NGEF: variants seen among roughly 807,000 people sequenced by gnomAD.
NGEF encodes the protein neuronal guanine nucleotide exchange factor, also known as ephexin-1.
NGEF carries 31 observed loss-of-function variants against 80.9 expected under a neutral mutation model. The observed-to-expected ratio is 0.38, with a 90% CI of 0.29 to 0.52. The LOEUF (loss-of-function observed/expected upper bound fraction) is 0.52, where lower values mean the gene tolerates loss of function less well. NGEF is among the 20% of genes least tolerant of loss of function. The pLI is 0.84. For missense variants in NGEF, 709 were observed against 926.2 expected (o/e 0.77, Z 3.04); for synonymous variants, 371 against 370.2 (o/e 1.00, Z -0.03).
intron 5 of NGEF, among the ~76,000 whole-genome samples, chr2:232,910,988 T>C (rs1241408184): frequency 1.3e-5 from 2 of 152,218 alleles, no homozygotes; most frequent in East Asian, 3.8e-4. Context: ...GAGCAGAAGT[T>C]TTAAACTCTG....
chr2:232,964,840 A>G (rs1194638494), intron 3 of NGEF, among the ~76,000 whole-genome samples: 1 of 152,222 alleles, frequency 6.6e-6, no homozygotes, highest in East Asian at 1.9e-4. Context: ...AACCAATCTG[A>G]TGGTGATAGA....
intron 3 of NGEF, among the ~76,000 whole-genome samples, chr2:232,969,453 C>CCTTT (rs1694137886): frequency 1.2e-5 from 1 of 80,470 alleles, no homozygotes; most frequent in Non-Finnish European, 2.1e-5. Flanking sequence ...CCCTCCCCTT[C>CCTTT]CTTCCTTCCT....
chr2:232,937,119 A>G (rs1411928196), intron 3 of NGEF, among the ~76,000 whole-genome samples: 1 of 152,082 alleles, frequency 6.6e-6, no homozygotes, highest in Non-Finnish European at 1.5e-5. Context: ...ACAGGTGCGC[A>G]CCACCATGCC....
At chr2:232,889,236 T>C (rs1017387082) in intron 8 of NGEF, among the ~76,000 whole-genome samples, 5 of 152,256 alleles carry the variant, frequency 3.3e-5, no homozygotes, top group African/African-American at 1.2e-4. Flanking sequence ...CCATCTTTTC[T>C]CACAGGCATA....
At position 232,905,797 on chromosome 2, in the gene NGEF, C is replaced by G. The variant is rs962715456; in HGVS notation, c.829-10881G>C. 1.1e-4 allele frequency: 38 copies of G among 355,538 alleles called. 1 individual carries two copies. The highest frequency in any genetic ancestry group is 3.9e-4 in the Admixed American group (12 of 31,052). 22.0% of individuals were successfully genotyped at this position (355,538 alleles called of 1,614,324 possible). ...GGAGACCCTCCGCCTGGCAGCCGCCCCGTCTGAGAAGTGAGGAGCCCCTCC... is the reference window on the plus strand; with the variant it reads ...GGAGACCCTCCGCCTGGCAGCCGCCGCGTCTGAGAAGTGAGGAGCCCCTCC... On this transcript the variant is annotated intron_variant, in intron 5 of 14. Coordinates refer to ENST00000264051, the MANE Select transcript of NGEF (RefSeq NM_019850.3).
intron 1 of NGEF, among the ~76,000 whole-genome samples, chr2:232,999,409 C>T (rs370920803): frequency 9.2e-5 from 14 of 152,160 alleles, no homozygotes; most frequent in Admixed American, 6.5e-4. Context: ...TGCATTGTGT[C>T]GGGGACTGGT....
chr2:233,008,484 A>G (rs1695134957), intron 1 of NGEF, among the ~76,000 whole-genome samples: 2 of 152,322 alleles, frequency 1.3e-5, no homozygotes, highest in Admixed American at 1.3e-4. Context: ...TGTACATAAG[A>G]TAGAGCAACA....
intron 3 of NGEF, among the ~76,000 whole-genome samples, chr2:232,953,660 C>T (rs1693732577): frequency 6.6e-6 from 1 of 152,170 alleles, no homozygotes; most frequent in African/African-American, 2.4e-5. Context: ...CCCAGAAAAG[C>T]AGTTCTGGTG....
chr2:232,882,137 A>T (rs1204737676), intron 13 of NGEF, 49 bp downstream of exon 13: 2 of 1,554,366 alleles, frequency 1.3e-6, no homozygotes, highest in South Asian at 2.3e-5. Flanking sequence ...GGCATCCGGC[A>T]GGGCCAGCCC....
At chr2:232,969,203 G>A (rs1407880303) in intron 3 of NGEF, among the ~76,000 whole-genome samples, 1 of 151,874 alleles carries the variant, frequency 6.6e-6, no homozygotes. Flanking sequence ...GAAAAGGAAG[G>A]ATGCATAAAC....
At chr2:232,883,188 C>T (rs138962846) in intron 12 of NGEF, 123 bp downstream of exon 12, 1 of 1,210,196 alleles carries the variant, frequency 8.3e-7, no homozygotes, top group African/African-American at 1.5e-5. Context: ...GAAGGATGGG[C>T]AGGTCGGCTC....
At position 232,974,366 on chromosome 2, in the gene NGEF, G is replaced by C. The variant is rs145656223; in HGVS notation, c.268+257C>G. ...GCGAGGGGTGTTTTGCTGAGTTCTAGAACAAGAAATCTCTTTTCAGTAGAA... is the reference window on the plus strand; with the variant it reads ...GCGAGGGGTGTTTTGCTGAGTTCTACAACAAGAAATCTCTTTTCAGTAGAA... On this transcript the variant is annotated intron_variant, in intron 2 of 14. Coordinates refer to ENST00000264051, the MANE Select transcript of NGEF (RefSeq NM_019850.3). 4.3e-3 allele frequency among the ~76,000 whole-genome samples: 649 copies of C among 152,230 alleles called. 6 individuals are homozygous for C. Among genetic ancestry groups the C allele is most frequent in the African/African-American group, 0.014 (580 of 41,542 alleles).
In NGEF at chr2:232,970,297, C is replaced by A. The variant is rs758285407; in HGVS notation, c.300G>T (p.Glu100Asp). The A allele has an allele frequency of 2.5e-6, 4 of 1,603,758 alleles. No homozygotes were observed. The highest frequency in any genetic ancestry group is 3.4e-6 in the Non-Finnish European group (4 of 1,176,446). ...DSQDNGKSVN[E>D]PLTLNIPWSR... ...TCCAGGGGATATTCAAGGTCAGGGG[C>A]TCATTTACAGATTTTCCATTGTCCT... is the stretch of plus-strand genomic sequence containing the variant. The change falls in exon 3 of 15, where the codon GAG becomes GAT. Residue 100 changes from glutamate (E) to aspartate (D), a missense_variant. Transcript: ENST00000264051.
At chr2:232,931,705 C>T (rs1693218010) in intron 3 of NGEF, among the ~76,000 whole-genome samples, 1 of 152,074 alleles carries the variant, frequency 6.6e-6, no homozygotes. Flanking sequence ...GCCAGCTGGG[C>T]CTGAGGAAAC....
chr2:232,932,398 C>A (rs1214678795), intron 3 of NGEF, among the ~76,000 whole-genome samples: 1 of 151,964 alleles, frequency 6.6e-6, no homozygotes, highest in African/African-American at 2.4e-5. Context: ...AACTCCTGAC[C>A]TCGTGATCCA....
intron 1 of NGEF, among the ~76,000 whole-genome samples, chr2:233,007,479 C>A (rs1273060652): frequency 6.6e-6 from 1 of 152,098 alleles, no homozygotes; most frequent in Non-Finnish European, 1.5e-5. Context: ...AGAAGAGCAG[C>A]GCAAACTGGT....
intron 12 of NGEF, among the ~76,000 whole-genome samples, chr2:232,883,103 A>G (rs1691568264): frequency 6.6e-6 from 1 of 152,184 alleles, no homozygotes; most frequent in Non-Finnish European, 1.5e-5. Context: ...ACACACGTAC[A>G]CGCGTACACG....
intron 3 of NGEF, among the ~76,000 whole-genome samples, chr2:232,937,855 C>T (rs551672292): frequency 4.6e-5 from 7 of 152,108 alleles, no homozygotes; most frequent in Non-Finnish European, 7.3e-5. Context: ...GCGATTGGTG[C>T]CTAAAGCTTG....
chr2:232,929,449 G>A (rs1330513354), intron 3 of NGEF, among the ~76,000 whole-genome samples: 4 of 152,192 alleles, frequency 2.6e-5, no homozygotes, highest in African/African-American at 4.8e-5. Context: ...AGAAAAGGGT[G>A]TTCAGGTAGA....
Sources: gnomAD v4.1 joint callset for allele counts (sites outside exome capture counted in the v4.1 genomes callset) on GRCh38, gnomAD v4.1.1 for gene constraint, MANE v1.5 for transcripts, NCBI Gene and HGNC (gene_info 2026-07-23, HGNC 2026-07-21) for gene names.